Variants in EPB41 observed in about 807,000 individuals in gnomAD.
EPB41 encodes protein 4.1.
EPB41 carries 65 observed loss-of-function variants against 108.0 expected under a neutral mutation model. The ratio of observed to expected loss-of-function variants is 0.60; its 90% CI spans 0.49 to 0.74. The LOEUF is 0.74. Ranked by LOEUF, EPB41 falls within the 30% of genes least tolerant of loss-of-function variation. The probability of loss-of-function intolerance (pLI) is 0.00; values close to 1 mark genes in which losing one functional copy is unlikely to be tolerated. For missense variants in EPB41, 875 were observed against 1,037.0 expected, an observed-to-expected ratio of 0.84 and a Z score of 2.15; for synonymous variants, 336 against 358.9, an observed-to-expected ratio of 0.94 and a Z score of 0.72.
intron 1 of EPB41, among the ~76,000 whole-genome samples, chr1:28,973,004 C>T (rs905695112): frequency 1.3e-5 from 2 of 152,042 alleles, no homozygotes; most frequent in South Asian, 2.1e-4. Flanking sequence ...ATCCAAAGAC[C>T]ACATTGGTGA....
chr1:29,077,299 G>C (rs1172486360), intron 16 of EPB41, among the ~76,000 whole-genome samples: 1 of 151,942 alleles, frequency 6.6e-6, no homozygotes, highest in Non-Finnish European at 1.5e-5. Context: ...AGCTGGCCTT[G>C]GTGGCACAAG....
chr1:29,016,342 A>ATTTTTTTTTT (rs11362146), intron 6 of EPB41, among the ~76,000 whole-genome samples: 2 of 135,776 alleles, frequency 1.5e-5, no homozygotes, highest in Non-Finnish European at 1.6e-5. Flanking sequence ...CGCCCTGCTA[A>ATTTTTTTTTT]TTTTTTTTTT....
chr1:28,948,708 T>G (rs936741098), intron 1 of EPB41, among the ~76,000 whole-genome samples: 2 of 152,116 alleles, frequency 1.3e-5, no homozygotes, highest in Non-Finnish European at 2.9e-5. Flanking sequence ...CCTAGCACTT[T>G]GGGAGGCCAA....
intron 1 of EPB41, among the ~76,000 whole-genome samples, chr1:28,984,660 GTT>G (rs57968199): frequency 3.5e-5 from 5 of 141,688 alleles, no homozygotes; most frequent in Admixed American, 1.4e-4. Context: ...AAAAACTTAG[GTT>G]TTTTTTTTTT....
rs905837330 is a variant in EPB41 at position 29,069,676 on chromosome 1, CT to C, written c.2184+4529del. 1.9e-3 allele frequency: 293 copies of C among 155,560 alleles called. 1 individual carries two copies. Among genetic ancestry groups the C allele is most frequent in the Non-Finnish European group, 3.1e-3 (228 of 73,774 alleles). The allele number at this position is 155,560 out of a possible 1,614,324, so 9.6% of individuals were successfully genotyped here. A position where few individuals can be genotyped will look rare whatever the true frequency, so the allele number is the denominator to read the frequency against. ...GCCATTATATTTGTAATAAAAGTAA[CT>C]TTTTTTTTTTGTCTGAGACAGACTG... On this transcript the variant is annotated intron_variant, in intron 16 of 20. Coordinates refer to ENST00000343067, the MANE Select transcript of EPB41 (RefSeq NM_001376013.1).
chr1:29,030,551 A>G, intron 8 of EPB41, 64 bp downstream of exon 8: 1 of 1,183,852 alleles, frequency 8.4e-7, no homozygotes, highest in Non-Finnish European at 1.3e-6. Context: ...CATGTCTGTT[A>G]TGTATGTATC....
At chr1:29,001,813 C>T (rs1039318433) in intron 4 of EPB41, among the ~76,000 whole-genome samples, 5 of 152,056 alleles carry the variant, frequency 3.3e-5, no homozygotes, top group South Asian at 4.2e-4. Flanking sequence ...CTTGTCCTTA[C>T]GAAGTTGAGA....
At chr1:28,951,862 G>A (rs527308600) in intron 1 of EPB41, among the ~76,000 whole-genome samples, 1 of 152,034 alleles carries the variant, frequency 6.6e-6, no homozygotes, top group Admixed American at 6.6e-5. Context: ...TGGGAATGAC[G>A]GAGCAAGACC....
intron 12 of EPB41, chr1:29,053,529 A>G: frequency 1.7e-6 from 1 of 589,954 alleles, no homozygotes; most frequent in Non-Finnish European, 3.0e-6. Context: ...TTATAAGGTG[A>G]CCCACTCCTT....
chr1:29,054,745 G>A (rs1443197310), intron 12 of EPB41, among the ~76,000 whole-genome samples: 1 of 152,100 alleles, frequency 6.6e-6, no homozygotes, highest in African/African-American at 2.4e-5. Flanking sequence ...AGCTCCTTGG[G>A]GGACTGAGAC....
intron 1 of EPB41, among the ~76,000 whole-genome samples, chr1:28,905,115 C>T (rs1012039387): frequency 4.6e-5 from 7 of 151,522 alleles, no homozygotes; most frequent in African/African-American, 1.5e-4. Context: ...ATGAGACTAG[C>T]TAGAACCCGG....
At chr1:29,088,770 T>A (rs192981206) in intron 16 of EPB41, among the ~76,000 whole-genome samples, 3 of 152,278 alleles carry the variant, frequency 2.0e-5, no homozygotes, top group East Asian at 1.9e-4. Flanking sequence ...TTTGTATGTC[T>A]CAAAGTTAAA....
chr1:28,938,196 T>A (rs1269603880), intron 1 of EPB41, among the ~76,000 whole-genome samples: 1 of 152,222 alleles, frequency 6.6e-6, no homozygotes, highest in Admixed American at 6.5e-5. Context: ...TCCCTTGTAT[T>A]TCCATATGAA....
chr1:29,034,752 A>T, intron 9 of EPB41, among the ~76,000 whole-genome samples: 1 of 152,318 alleles, frequency 6.6e-6, no homozygotes, highest in East Asian at 1.9e-4. Context: ...GAAATATTTA[A>T]TGATTCAAGA....
At chr1:28,921,662 C>G (rs1291309605) in intron 1 of EPB41, among the ~76,000 whole-genome samples, 1 of 151,880 alleles carries the variant, frequency 6.6e-6, no homozygotes, top group East Asian at 1.9e-4. Flanking sequence ...TACCTGCAGT[C>G]TTTCCAGTCT....
chr1:29,033,574 A>G (rs1300161132), intron 9 of EPB41, among the ~76,000 whole-genome samples: 3 of 152,242 alleles, frequency 2.0e-5, no homozygotes, highest in African/African-American at 7.2e-5. Flanking sequence ...AAAATTATTT[A>G]TAGGGATAAA....
intron 10 of EPB41, among the ~76,000 whole-genome samples, chr1:29,036,464 T>A (rs1209450704): frequency 6.6e-6 from 1 of 152,132 alleles, no homozygotes; most frequent in Non-Finnish European, 1.5e-5. Flanking sequence ...TTTCACTATG[T>A]TGGTCAGGGT....
chr1:28,944,662 G>A (rs2148847938), intron 1 of EPB41, among the ~76,000 whole-genome samples: 1 of 148,140 alleles, frequency 6.8e-6, no homozygotes, highest in Admixed American at 6.9e-5. Context: ...TCAGCCTCCC[G>A]AGTAGCTGGG....
intron 10 of EPB41, 60 bp downstream of exon 10, chr1:29,035,983 G>A: frequency 7.6e-7 from 1 of 1,322,346 alleles, no homozygotes; most frequent in Non-Finnish European, 1.1e-6. Flanking sequence ...TCTATTTTAA[G>A]CCTGCTATTA....
Sources: gnomAD v4.1 joint callset for allele counts (sites outside exome capture counted in the v4.1 genomes callset) on GRCh38, gnomAD v4.1.1 for gene constraint, MANE v1.5 for transcripts, NCBI Gene and HGNC (gene_info 2026-07-23, HGNC 2026-07-21) for gene names.